RBM47: variants seen among roughly 807,000 people sequenced by gnomAD.
RBM47 encodes RNA binding motif protein 47.
A neutral mutation model predicts 47.1 loss-of-function variants in RBM47; 21 were observed. The ratio of observed to expected loss-of-function variants is 0.45; its 90% CI spans 0.32 to 0.64. RBM47 has a LOEUF of 0.64. RBM47 is among the 30% of genes least tolerant of loss of function. RBM47 has a pLI of 0.05. For missense variants in RBM47, 708 were observed against 870.9 expected, an observed-to-expected ratio of 0.81 and a Z score of 2.35; for synonymous variants, 375 against 361.7, an observed-to-expected ratio of 1.04 and a Z score of -0.42.
At chr4:40,551,083 G>GTGTA (rs1363712114) in intron 1 of RBM47, among the ~76,000 whole-genome samples, 1 of 152,154 alleles carries the variant, frequency 6.6e-6, no homozygotes, top group Non-Finnish European at 1.5e-5. Context: ...TTAGGAAGCT[G>GTGTA]TGTAGGTAGC....
At chr4:40,576,523 TCAGA>T (rs1260166963) in intron 1 of RBM47, among the ~76,000 whole-genome samples, 2 of 152,148 alleles carry the variant, frequency 1.3e-5, no homozygotes, top group Non-Finnish European at 2.9e-5. Flanking sequence ...CTGTAAAATA[TCAGA>T]CAAACGTAAC....
At chr4:40,580,004 T>G (rs1578002917) in intron 1 of RBM47, among the ~76,000 whole-genome samples, 1 of 152,090 alleles carries the variant, frequency 6.6e-6, no homozygotes, top group African/African-American at 2.4e-5. Flanking sequence ...GGGATCTTCC[T>G]GCCTTGACCT....
intron 3 of RBM47, among the ~76,000 whole-genome samples, chr4:40,462,484 C>A (rs115454669): frequency 6.6e-6 from 1 of 152,088 alleles, no homozygotes; most frequent in Non-Finnish European, 1.5e-5. Context: ...GCCTAAGCCA[C>A]TATCTACCCC....
intron 5 of RBM47, among the ~76,000 whole-genome samples, chr4:40,434,703 CAAAAAAAAAAAAAA>C (rs201921796): frequency 9.6e-6 from 1 of 103,730 alleles, no homozygotes; most frequent in African/African-American, 3.7e-5. Flanking sequence ...TTTACACAGG[CAAAAAAAAAAAAAA>C]AAAAAAAAAA....
intron 2 of RBM47, among the ~76,000 whole-genome samples, chr4:40,467,029 G>T (rs1050834470): frequency 6.6e-6 from 1 of 152,092 alleles, no homozygotes; most frequent in Non-Finnish European, 1.5e-5. Context: ...GTTTAAGAAG[G>T]AATACAGATG....
At chr4:40,500,307 TC>T (rs1306909294) in intron 2 of RBM47, among the ~76,000 whole-genome samples, 2 of 150,286 alleles carry the variant, frequency 1.3e-5, no homozygotes, top group Admixed American at 6.7e-5. Flanking sequence ...GGGCCAGACT[TC>T]GTCCCCCCCC....
At chr4:40,617,000 C>T (rs1174759528) in intron 1 of RBM47, among the ~76,000 whole-genome samples, 2 of 150,848 alleles carry the variant, frequency 1.3e-5, no homozygotes, top group Non-Finnish European at 3.0e-5. Context: ...CTCAGCCTCC[C>T]GAGTAGCTAG....
At chr4:40,594,160 CCT>C (rs1317658874) in intron 1 of RBM47, among the ~76,000 whole-genome samples, 2 of 152,132 alleles carry the variant, frequency 1.3e-5, no homozygotes, top group Non-Finnish European at 2.9e-5. Context: ...TCCACGCTGC[CCT>C]GTTTCCTCCA....
At chr4:40,582,986 C>T (rs187564759) in intron 1 of RBM47, among the ~76,000 whole-genome samples, 16 of 152,268 alleles carry the variant, frequency 1.1e-4, no homozygotes, top group African/African-American at 3.6e-4. Flanking sequence ...TAGCACATAG[C>T]AAGTGCTCAA....
At chr4:40,452,840 C>CTTTT (rs34438216) in intron 3 of RBM47, among the ~76,000 whole-genome samples, 24 of 125,060 alleles carry the variant, frequency 1.9e-4, no homozygotes, top group South Asian at 7.8e-4. Context: ...TGATTTCCTT[C>CTTTT]TTTTTTTTTT....
intron 2 of RBM47, among the ~76,000 whole-genome samples, chr4:40,485,008 TTTTC>T (rs1483653961): frequency 1.3e-5 from 2 of 150,528 alleles, no homozygotes; most frequent in African/African-American, 5.0e-5. Context: ...TTTTTGTTTG[TTTTC>T]TTTTTCTTTT....
intron 2 of RBM47, among the ~76,000 whole-genome samples, chr4:40,478,077 G>A (rs551773062): frequency 8.1e-5 from 12 of 148,596 alleles, no homozygotes; most frequent in African/African-American, 2.5e-4. Context: ...GTGCAGTGGC[G>A]CGATCTTGGC....
intron 1 of RBM47, among the ~76,000 whole-genome samples, chr4:40,570,776 T>C (rs951103279): frequency 1.3e-5 from 2 of 152,048 alleles, no homozygotes; most frequent in Admixed American, 6.6e-5. Flanking sequence ...AAATTTCAAA[T>C]ATGTATATAA....
chr4:40,557,759 AAT>A (rs904398022), intron 1 of RBM47, among the ~76,000 whole-genome samples: 3 of 152,124 alleles, frequency 2.0e-5, no homozygotes, highest in Non-Finnish European at 4.4e-5. Context: ...TAAAAAAAAA[AAT>A]TGTTGAATGA....
chr4:40,440,597 A>T (rs1713466791), intron 3 of RBM47, among the ~76,000 whole-genome samples: 1 of 152,222 alleles, frequency 6.6e-6, no homozygotes, highest in Non-Finnish European at 1.5e-5. Context: ...TGGCCAAAAT[A>T]GTCCTTTTGT....
At chr4:40,527,182 G>T (rs115690897) in intron 2 of RBM47, among the ~76,000 whole-genome samples, 3,110 of 152,196 alleles carry the variant, frequency 0.02, 124 homozygotes, top group African/African-American at 0.072. Flanking sequence ...CAGTGTCGTG[G>T]TGTGATCTTG....
chr4:40,460,300 A>G (rs1331220943), intron 3 of RBM47, among the ~76,000 whole-genome samples: 1 of 149,672 alleles, frequency 6.7e-6, no homozygotes, highest in Non-Finnish European at 1.5e-5. Context: ...TAGAGATTTT[A>G]TGCCACAAGG....
chr4:40,512,885 G>T (rs1019306414), intron 2 of RBM47, among the ~76,000 whole-genome samples: 1 of 152,116 alleles, frequency 6.6e-6, no homozygotes, highest in Non-Finnish European at 1.5e-5. Context: ...GTGCACCTGT[G>T]TAACAGGCAA....
At chr4:40,619,646 T>C (rs147288171) in intron 1 of RBM47, among the ~76,000 whole-genome samples, 2 of 152,226 alleles carry the variant, frequency 1.3e-5, no homozygotes, top group Non-Finnish European at 2.9e-5. Context: ...TGAACGCTAC[T>C]CCATCTAGCG....
Sources: gnomAD v4.1 joint callset for allele counts (sites outside exome capture counted in the v4.1 genomes callset) on GRCh38, gnomAD v4.1.1 for gene constraint, MANE v1.5 for transcripts, NCBI Gene and HGNC (gene_info 2026-07-23, HGNC 2026-07-21) for gene names.